The following ATP13A5 variants were observed in gnomAD, a reference collection of about 807,000 sequenced individuals.
The protein encoded by ATP13A5 is probable cation-transporting ATPase 13A5.
A neutral mutation model predicts 150.2 loss-of-function variants in ATP13A5; 149 were observed. The observed-to-expected ratio is 0.99, with a 90% CI of 0.87 to 1.14. The LOEUF is 1.14. Among genes scored for constraint, ATP13A5 ranks in the 50% most tolerant of loss-of-function variants. The pLI is 0.00. For missense variants in ATP13A5, 1,383 were observed against 1,449.3 expected (o/e 0.95, Z 0.74); for synonymous variants, 497 against 522.2 (o/e 0.95, Z 0.66).
intron 16 of ATP13A5, among the ~76,000 whole-genome samples, chr3:193,321,128 A>C (rs555269361): frequency 6.6e-5 from 10 of 152,218 alleles, no homozygotes; most frequent in Admixed American, 6.5e-5. Flanking sequence ...CTCCTGATGC[A>C]AGCTTCACAT....
At chr3:193,307,473 G>A in intron 21 of ATP13A5, 104 bp from the exon 22 acceptor site, 1 of 1,376,730 alleles carries the variant, frequency 7.3e-7, no homozygotes, top group Non-Finnish European at 1.0e-6. Context: ...GTGTATGTGT[G>A]TGTCCCCTGA....
chr3:193,293,752 A>T (rs1412988342), intron 25 of ATP13A5, among the ~76,000 whole-genome samples: 1 of 152,116 alleles, frequency 6.6e-6, no homozygotes, highest in South Asian at 2.1e-4. Flanking sequence ...AATGGGTATC[A>T]TGAGATTTCT....
rs114885466 is a variant in ATP13A5, at chr3:193,285,668, A to C, written c.3024-552T>G. On this transcript the variant is annotated intron_variant, in intron 26 of 29. Transcript: ENST00000342358. ...TACCTTTTCAGTCTTACCTTTTGCCACTCCTCCCATGCTCTATACACTCCA... is the reference window on the plus strand; with the variant it reads ...TACCTTTTCAGTCTTACCTTTTGCCCCTCCTCCCATGCTCTATACACTCCA... Among the ~76,000 whole-genome samples the C allele has an allele frequency of 9.1e-3, 1,382 of 151,642 alleles. 12 individuals carry two copies. The highest frequency in any genetic ancestry group is 0.015 in the Non-Finnish European group (989 of 67,882).
At chr3:193,375,821 G>A (rs531714624) in intron 1 of ATP13A5, among the ~76,000 whole-genome samples, 34 of 152,204 alleles carry the variant, frequency 2.2e-4, no homozygotes, top group South Asian at 1.2e-3. Flanking sequence ...GCAGAATCAC[G>A]CAAGACTGAG....
intron 7 of ATP13A5, among the ~76,000 whole-genome samples, chr3:193,349,728 A>T (rs188702762): frequency 1.8e-4 from 27 of 152,302 alleles, no homozygotes; most frequent in Admixed American, 1.6e-3. Context: ...AGATTTTAAA[A>T]ATCGTAAATA....
intron 5 of ATP13A5, among the ~76,000 whole-genome samples, chr3:193,361,524 T>C (rs1713005664): frequency 6.6e-6 from 1 of 152,204 alleles, no homozygotes; most frequent in African/African-American, 2.4e-5. Flanking sequence ...TAGGTGTTTC[T>C]GGCCGACTGT....
chr3:193,341,912 G>A (rs1712144041), intron 9 of ATP13A5, among the ~76,000 whole-genome samples: 1 of 152,212 alleles, frequency 6.6e-6, no homozygotes, highest in Admixed American at 6.5e-5. Flanking sequence ...CAAGTAGGGA[G>A]AAAAAGGTGA....
At chr3:193,356,513 G>A (rs1353271055) in intron 5 of ATP13A5, among the ~76,000 whole-genome samples, 2 of 152,106 alleles carry the variant, frequency 1.3e-5, no homozygotes, top group Admixed American at 1.3e-4. Flanking sequence ...GGGAGGCTGA[G>A]GCAGGAGGAC....
intron 25 of ATP13A5, among the ~76,000 whole-genome samples, chr3:193,294,884 C>T (rs1718103209): frequency 6.6e-6 from 1 of 152,156 alleles, no homozygotes; most frequent in African/African-American, 2.4e-5. Flanking sequence ...CATCTAGCAA[C>T]ACAGTACAAT....
At chr3:193,295,829 T>C (rs1402744586) in intron 25 of ATP13A5, among the ~76,000 whole-genome samples, 4 of 152,146 alleles carry the variant, frequency 2.6e-5, no homozygotes, top group Admixed American at 6.6e-5. Context: ...ATAAAACTTA[T>C]GGAGATTATC....
At chr3:193,341,877 A>G (rs1316529641) in intron 9 of ATP13A5, among the ~76,000 whole-genome samples, 1 of 152,194 alleles carries the variant, frequency 6.6e-6, no homozygotes, top group East Asian at 1.9e-4. Context: ...GCTTACCAAA[A>G]AGTGGATACT....
chr3:193,345,024 T>C lies in ATP13A5; in HGVS notation c.793A>G (p.Thr265Ala), dbSNP rs1450566659. ...TTACCTTTGTCTTTTACAATGATTGTAACCTGGACTTTGTTGTGGTCCTCC... is the reference window on the plus strand; with the variant it reads ...TTACCTTTGTCTTTTACAATGATTGCAACCTGGACTTTGTTGTGGTCCTCC... ...LVEDHNKVQV[T>A]IIVKDKGLEE... The change falls in exon 8 of 30, where the codon ACA (threonine) becomes GCA (alanine). Residue 265 changes from threonine (T) to alanine (A), a missense_variant. Physicochemically the swap from Thr to Ala is moderately conservative, Grantham distance 58. This residue lies in a region of ATP13A5 where 787 missense variants were observed against 771.9 expected (regional missense o/e 1.02). Coordinates refer to ENST00000342358, the MANE Select transcript of ATP13A5 (RefSeq NM_198505.4). 4 of 1,613,638 alleles carry C rather than the reference T, an allele frequency of 2.5e-6. No individual in the cohort carries two copies. The highest frequency in any genetic ancestry group is 3.4e-6 in the Non-Finnish European group (4 of 1,179,696).
intron 7 of ATP13A5, among the ~76,000 whole-genome samples, chr3:193,350,017 G>A (rs4687406): frequency 0.39 from 59,848 of 151,690 alleles, 12,307 homozygotes; most frequent in East Asian, 0.56. Context: ...AACAAGTAAC[G>A]GAATAGTTGA....
chr3:193,369,234 C>T (rs1158922760), intron 1 of ATP13A5, among the ~76,000 whole-genome samples: 2 of 151,710 alleles, frequency 1.3e-5, no homozygotes, highest in African/African-American at 4.8e-5. Flanking sequence ...GAGACCCTGT[C>T]TCTACTGTCT....
intron 25 of ATP13A5, among the ~76,000 whole-genome samples, chr3:193,295,557 C>G (rs1335562927): frequency 6.6e-6 from 1 of 152,068 alleles, no homozygotes; most frequent in South Asian, 2.1e-4. Flanking sequence ...GAACAATCAG[C>G]CTTCTCATGC....
intron 27 of ATP13A5, among the ~76,000 whole-genome samples, chr3:193,284,527 A>G (rs1006327517): frequency 6.6e-6 from 1 of 152,176 alleles, no homozygotes; most frequent in African/African-American, 2.4e-5. Flanking sequence ...ACTCCCTCCC[A>G]TTCTACCGAT....
chr3:193,372,026 T>A (rs1478303944), intron 1 of ATP13A5, among the ~76,000 whole-genome samples: 1 of 151,674 alleles, frequency 6.6e-6, no homozygotes, highest in African/African-American at 2.4e-5. Flanking sequence ...TTCTGGCAGG[T>A]GCGGTGGCTC....
chr3:193,312,915 T>C (rs1394290521), intron 19 of ATP13A5: 1 of 150,838 alleles, frequency 6.6e-6, no homozygotes, highest in Non-Finnish European at 1.5e-5. Context: ...ACTGGGAATG[T>C]GGGGAGAGGA....
At position 193,279,443 on chromosome 3, in the gene ATP13A5, A is replaced by T; in HGVS notation, c.3238T>A (p.Phe1080Ile). The T allele has an allele frequency of 6.2e-7, 1 of 1,613,204 alleles. No individual in the cohort carries two copies. Among genetic ancestry groups the T allele is most frequent in the Non-Finnish European group, 8.5e-7 (1 of 1,179,252 alleles). ...AGGCCCAAGGCAGCTAGCAGCAGAA[A>T]TGAAAATATATCTGAGGAAATACCA... ...KPIYTNYIFSFLLLAALGLTI... is the reference protein window; with the variant it reads ...KPIYTNYIFSILLLAALGLTI... Residue 1080 changes from phenylalanine (F) to isoleucine (I), a missense_variant, in exon 28 of 30, where the codon TTT (phenylalanine) becomes ATT (isoleucine). Physicochemically the swap from Phe to Ile is conservative, Grantham distance 21. Transcript: ENST00000342358.
Sources: allele counts gnomAD v4.1 joint callset (sites outside exome capture counted in the v4.1 genomes callset), GRCh38; gene constraint gnomAD v4.1.1; regional missense constraint gnomAD v4.1.1; transcripts MANE v1.5; gene names NCBI Gene and HGNC (gene_info 2026-07-23, HGNC 2026-07-21).